The following SLC16A2 variants were observed in gnomAD, a reference collection of about 807,000 sequenced individuals.
SLC16A2 encodes monocarboxylate transporter 8.
A neutral mutation model predicts 27.2 loss-of-function variants in SLC16A2; 3 were observed. The ratio of observed to expected loss-of-function variants is 0.11; its 90% CI spans 0.05 to 0.28. The LOEUF (loss-of-function observed/expected upper bound fraction) is 0.28. Among genes scored for constraint, SLC16A2 ranks in the 10% least tolerant of loss-of-function variants. The pLI is 1.00. For synonymous variants in SLC16A2, 202 were observed against 187.8 expected (o/e 1.08, Z -0.62); for missense variants, 295 against 458.5 (o/e 0.64, Z 3.26).
intron 1 of SLC16A2, among the ~76,000 whole-genome samples, chrX:74,520,241 C>T (rs1412879640): frequency 9.0e-6 from 1 of 110,701 alleles, no homozygotes; most frequent in Admixed American, 9.6e-5. Context: ...GTTAAGGAAA[C>T]GAAGATTATT....
chrX:74,481,432 G>T (rs1326634953), intron 1 of SLC16A2, among the ~76,000 whole-genome samples: 1 of 111,306 alleles, frequency 9.0e-6, no homozygotes, highest in Non-Finnish European at 1.9e-5. Flanking sequence ...CATAGATTTT[G>T]GTCGTTTCTG....
At chrX:74,479,889 C>T (rs978293551) in intron 1 of SLC16A2, among the ~76,000 whole-genome samples, 6 of 112,203 alleles carry the variant, frequency 5.3e-5, no homozygotes, top group South Asian at 3.7e-4. Flanking sequence ...TGTCAGTCTA[C>T]CCCTACTGGG....
At chrX:74,426,087 TTCTC>T (rs1264294089) in intron 1 of SLC16A2, among the ~76,000 whole-genome samples, 2 of 112,058 alleles carry the variant, frequency 1.8e-5, no homozygotes, top group Non-Finnish European at 3.8e-5. Flanking sequence ...TAGGCTGTCT[TTCTC>T]CTTCTCACCT....
intron 1 of SLC16A2, among the ~76,000 whole-genome samples, chrX:74,500,415 T>A (rs893527274): frequency 4.5e-5 from 5 of 111,551 alleles, no homozygotes; most frequent in Non-Finnish European, 7.5e-5. Flanking sequence ...TTTAAAAAAA[T>A]TTTCCATATG....
chrX:74,498,670 A>G (rs149588358), intron 1 of SLC16A2, among the ~76,000 whole-genome samples: 2 of 112,202 alleles, frequency 1.8e-5, no homozygotes, highest in Non-Finnish European at 3.8e-5. Flanking sequence ...ATGGGCAGGA[A>G]GAACCCATTG....
At chrX:74,522,135 G>A (rs934818292) in intron 2 of SLC16A2, among the ~76,000 whole-genome samples, 5 of 111,868 alleles carry the variant, frequency 4.5e-5, no homozygotes, top group South Asian at 7.5e-4. Context: ...AGAAATGGCC[G>A]TGGTGACATG....
chrX:74,434,885 G>A (rs1405879288), intron 1 of SLC16A2, among the ~76,000 whole-genome samples: 1 of 103,276 alleles, frequency 9.7e-6, no homozygotes, highest in Non-Finnish European at 2.0e-5. Flanking sequence ...GCGCGATCTC[G>A]GCTTCTCGGC....
At chrX:74,480,020 G>A (rs1929581673) in intron 1 of SLC16A2, among the ~76,000 whole-genome samples, 1 of 112,271 alleles carries the variant, frequency 8.9e-6, no homozygotes, top group Admixed American at 9.4e-5. Context: ...CTGTCAGATA[G>A]GGACATTTAA....
Position 74,531,402 on chromosome X carries a change from G to C in SLC16A2, c.1469G>C (p.Gly490Ala). Reference protein sequence around the residue: ...FYFAGVPPIIGAVILFFVPLM... With the variant: ...FYFAGVPPIIAAVILFFVPLM... ...TTTGCCGGTGTGCCCCCCATCATCGGGGCTGTAATCCTCTTCTTCGTCCCT... is the reference window on the plus strand; with the variant it reads ...TTTGCCGGTGTGCCCCCCATCATCGCGGCTGTAATCCTCTTCTTCGTCCCT... Residue 490 changes from glycine (G) to alanine (A), a missense_variant, in exon 6 of 6, where the codon GGG (glycine) becomes GCG (alanine). This residue lies in a region of SLC16A2 where 144 missense variants were observed against 219.8 expected (regional missense o/e 0.66). Transcript: ENST00000587091. The C allele has an allele frequency of 8.3e-7, 1 of 1,211,402 alleles. No homozygotes were observed. Among genetic ancestry groups the C allele is most frequent in the Non-Finnish European group, 1.1e-6 (1 of 895,174 alleles).
chrX:74,423,167 C>T (rs1380053953), intron 1 of SLC16A2, among the ~76,000 whole-genome samples: 1 of 112,369 alleles, frequency 8.9e-6, no homozygotes, highest in Admixed American at 9.4e-5. Flanking sequence ...GGGATTCAGA[C>T]GAAGACGGGG....
intron 1 of SLC16A2, among the ~76,000 whole-genome samples, chrX:74,469,673 C>T (rs1310182762): frequency 3.6e-5 from 4 of 110,625 alleles, no homozygotes; most frequent in Non-Finnish European, 5.7e-5. Flanking sequence ...TTTTTAAAGA[C>T]GATTTTAGGG....
In SLC16A2 at chrX:74,531,653, T is replaced by G. The variant is rs1208684467; in HGVS notation, c.*100T>G. 4.8e-6 allele frequency: 3 copies of G among 628,696 alleles called. No homozygotes were observed. Among genetic ancestry groups the G allele is most frequent in the Non-Finnish European group, 5.3e-6 (2 of 374,735 alleles). 51.8% of individuals were successfully genotyped at this position (628,696 alleles called of 1,213,427 possible). ...CCACCAGCACACTTGTTCCCAGACCTGCGCACACAGCATTTCAGCCACCTG... is the reference window on the plus strand; with the variant it reads ...CCACCAGCACACTTGTTCCCAGACCGGCGCACACAGCATTTCAGCCACCTG... On this transcript the variant is annotated 3_prime_UTR_variant, in exon 6 of 6. Transcript: ENST00000587091.
At position 74,462,509 on chromosome X, in the gene SLC16A2, G is replaced by A. The variant is rs145148231; in HGVS notation, c.430+40442G>A. ...TAATTTTTGTATTTTCAGTAGAGAC[G>A]GGGTTTCAACATGTTGGCCGGGCTG... On this transcript the variant is annotated intron_variant, in intron 1 of 5. Coordinates refer to ENST00000587091, the MANE Select transcript of SLC16A2 (RefSeq NM_006517.5). 5.0e-3 allele frequency among the ~76,000 whole-genome samples: 560 copies of A among 111,230 alleles called. 3 individuals are homozygous for A. Among genetic ancestry groups the A allele is most frequent in the Non-Finnish European group, 8.1e-3 (428 of 53,037 alleles).
intron 1 of SLC16A2, among the ~76,000 whole-genome samples, chrX:74,478,995 G>A (rs771066291): frequency 9.0e-6 from 1 of 110,624 alleles, no homozygotes; most frequent in East Asian, 2.8e-4. Context: ...TATCTTTGTG[G>A]CGTTCTCTGT....
intron 1 of SLC16A2, among the ~76,000 whole-genome samples, chrX:74,452,095 G>A (rs980155459): frequency 1.8e-5 from 2 of 112,638 alleles, no homozygotes; most frequent in African/African-American, 6.5e-5. Context: ...GGGAAATGAT[G>A]ATAATAGAGT....
rs868842971 is a variant in SLC16A2, at chrX:74,453,452, T to C, written c.430+31385T>C. ...CACATCCCATCCATGACCATCTCTA[T>C]GCATATTTAAATCTGGTTTCATTGG... is the stretch of plus-strand genomic sequence containing the variant. On this transcript the variant is annotated intron_variant, in intron 1 of 5. Coordinates refer to ENST00000587091, the MANE Select transcript of SLC16A2 (RefSeq NM_006517.5). Among the ~76,000 whole-genome samples, 33 of 111,917 alleles carry C rather than the reference T, an allele frequency of 2.9e-4. 1 individual carries two copies. Among genetic ancestry groups the C allele is most frequent in the South Asian group, 1.1e-3 (3 of 2,641 alleles).
At chrX:74,431,076 A>T (rs891662284) in intron 1 of SLC16A2, among the ~76,000 whole-genome samples, 3 of 112,778 alleles carry the variant, frequency 2.7e-5, no homozygotes, top group African/African-American at 9.7e-5. Flanking sequence ...TTTAAAACAG[A>T]ACTACCGTTT....
At chrX:74,429,062 C>T (rs951194608) in intron 1 of SLC16A2, among the ~76,000 whole-genome samples, 1 of 111,081 alleles carries the variant, frequency 9.0e-6, no homozygotes, top group African/African-American at 3.3e-5. Context: ...ACACTCAAGT[C>T]CTAACGAGAG....
At chrX:74,509,253 T>C (rs986930302) in intron 1 of SLC16A2, among the ~76,000 whole-genome samples, 7 of 111,295 alleles carry the variant, frequency 6.3e-5, no homozygotes, top group Non-Finnish European at 1.1e-4. Context: ...TGTGACCCAC[T>C]GCACCTGGCA....
Sources: allele counts gnomAD v4.1 joint callset (sites outside exome capture counted in the v4.1 genomes callset), GRCh38; gene constraint gnomAD v4.1.1; regional missense constraint gnomAD v4.1.1; transcripts MANE v1.5; gene names NCBI Gene and HGNC (gene_info 2026-07-23, HGNC 2026-07-21).